SLIT3: variants seen among roughly 807,000 people sequenced by gnomAD.
SLIT3 encodes slit guidance ligand 3, also known as slit homolog 3 protein.
SLIT3 carries 68 observed loss-of-function variants against 184.0 expected under a neutral mutation model. The observed-to-expected ratio is 0.37, with a 90% CI of 0.30 to 0.45. The LOEUF (loss-of-function observed/expected upper bound fraction) is 0.45, where lower values mean the gene tolerates loss of function less well. SLIT3 is among the 20% of genes least tolerant of loss of function. The probability of loss-of-function intolerance (pLI) is 1.00; values close to 1 mark genes in which losing one functional copy is unlikely to be tolerated. For synonymous variants in SLIT3, 831 were observed against 828.6 expected (o/e 1.00, Z -0.05); for missense variants, 1,707 against 2,026.0 (o/e 0.84, Z 3.02).
chr5:168,726,797 A>T (rs76481635), intron 20 of SLIT3, among the ~76,000 whole-genome samples: 1 of 149,000 alleles, frequency 6.7e-6, no homozygotes, highest in Non-Finnish European at 1.5e-5. Context: ...ACATGGTGAA[A>T]CCCCCCTCCT....
In SLIT3 at chr5:169,300,752, G is replaced by T. The variant is rs1357483126; in HGVS notation, c.-43C>A. The stretch of plus-strand genomic sequence containing the variant: ...TCCTGGAGGAGGCTGCCTCTGCGGG[G>T]CAAGACGCGTGGAGCCCGAGGAGGC... On this transcript the variant is annotated 5_prime_UTR_variant, in exon 1 of 36. Transcript: ENST00000519560. The surrounding 1 kb of genome is among the most constrained non-coding windows in gnomAD (Gnocchi z 4.1). The T allele has an allele frequency of 5.2e-5, 66 of 1,280,086 alleles. No individual in the cohort carries two copies. Among genetic ancestry groups the T allele is most frequent in the Non-Finnish European group, 6.4e-5 (65 of 1,016,190 alleles). The allele number at this position is 1,280,086 out of a possible 1,614,324, so 79.3% of individuals were successfully genotyped here.
At chr5:169,033,266 T>C (rs1035616944) in intron 4 of SLIT3, among the ~76,000 whole-genome samples, 23 of 152,188 alleles carry the variant, frequency 1.5e-4, no homozygotes, top group Admixed American at 3.9e-4. Context: ...GGCTCGTCTA[T>C]GTTGTGGCAA....
At chr5:169,067,042 T>C (rs1189360309) in intron 4 of SLIT3, among the ~76,000 whole-genome samples, 1 of 152,110 alleles carries the variant, frequency 6.6e-6, no homozygotes, top group Non-Finnish European at 1.5e-5. Context: ...ATTATTCGCT[T>C]CCTGTTAGTC....
chr5:168,854,941 C>T (rs943787659), intron 5 of SLIT3, among the ~76,000 whole-genome samples: 2 of 152,336 alleles, frequency 1.3e-5, no homozygotes, highest in East Asian at 1.9e-4. Flanking sequence ...CTCAGCAGCA[C>T]GTGCTGTGCT....
chr5:169,026,872 TC>T (rs1346140481), intron 4 of SLIT3, among the ~76,000 whole-genome samples: 1 of 152,106 alleles, frequency 6.6e-6, no homozygotes, highest in Non-Finnish European at 1.5e-5. Context: ...GGACCAGGTC[TC>T]TACTGTACCA....
At chr5:169,072,895 G>A (rs1293114246) in intron 4 of SLIT3, among the ~76,000 whole-genome samples, 2 of 152,166 alleles carry the variant, frequency 1.3e-5, no homozygotes, top group African/African-American at 4.8e-5. Context: ...AGACCCAACT[G>A]TTGCTGTAAA....
chr5:168,984,132 A>G (rs1194513854), intron 4 of SLIT3, among the ~76,000 whole-genome samples: 1 of 152,208 alleles, frequency 6.6e-6, no homozygotes, highest in Non-Finnish European at 1.5e-5. Context: ...TACTTGCAAC[A>G]AACTAGAATA....
At chr5:169,229,702 T>C (rs1369742526) in intron 3 of SLIT3, among the ~76,000 whole-genome samples, 2 of 150,576 alleles carry the variant, frequency 1.3e-5, no homozygotes, top group Non-Finnish European at 3.0e-5. Context: ...GTGATGATGA[T>C]GAGGGAGAGG....
chr5:168,856,275 G>C (rs1278397428), intron 5 of SLIT3, among the ~76,000 whole-genome samples: 1 of 152,182 alleles, frequency 6.6e-6, no homozygotes, highest in African/African-American at 2.4e-5. Flanking sequence ...TGACAGGCAG[G>C]AACTTTATGA....
At chr5:169,252,084 T>A (rs937868119) in intron 1 of SLIT3, among the ~76,000 whole-genome samples, 4 of 152,238 alleles carry the variant, frequency 2.6e-5, no homozygotes, top group African/African-American at 9.6e-5. Flanking sequence ...CAGTTTGAGT[T>A]GAATTTTCTA....
chr5:168,885,212 G>A, intron 4 of SLIT3, among the ~76,000 whole-genome samples: 1 of 152,182 alleles, frequency 6.6e-6, no homozygotes, highest in South Asian at 2.1e-4. Context: ...GCTGACTTGG[G>A]GTAGAGTGCC....
chr5:168,884,662 C>T (rs981917531), intron 4 of SLIT3, among the ~76,000 whole-genome samples: 1 of 144,342 alleles, frequency 6.9e-6, no homozygotes, highest in Non-Finnish European at 1.5e-5. Flanking sequence ...AACATCTGTC[C>T]CTGTCATTAA....
intron 20 of SLIT3, among the ~76,000 whole-genome samples, chr5:168,733,157 CAG>C (rs2113403949): frequency 6.6e-6 from 1 of 151,318 alleles, no homozygotes; most frequent in East Asian, 1.9e-4. Context: ...TTCTCAAAAA[CAG>C]ACATACAATT....
At chr5:169,187,402 C>T (rs745337656) in intron 4 of SLIT3, among the ~76,000 whole-genome samples, 22 of 151,976 alleles carry the variant, frequency 1.4e-4, no homozygotes, top group Non-Finnish European at 2.8e-4. Context: ...TGAGCCACCG[C>T]GGCCGGCAGC....
At chr5:169,190,151 C>T (rs1371539510) in intron 4 of SLIT3, among the ~76,000 whole-genome samples, 1 of 152,134 alleles carries the variant, frequency 6.6e-6, no homozygotes, top group Non-Finnish European at 1.5e-5. Flanking sequence ...GGGACATGGG[C>T]ATATATGACC....
chr5:168,763,236 C>G (rs1755222029), intron 14 of SLIT3, among the ~76,000 whole-genome samples: 2 of 151,988 alleles, frequency 1.3e-5, no homozygotes, highest in Non-Finnish European at 2.9e-5. Context: ...CGAGTACAGG[C>G]CAAGTACATG....
intron 23 of SLIT3, among the ~76,000 whole-genome samples, chr5:168,716,301 C>T (rs1314965317): frequency 6.6e-6 from 1 of 152,036 alleles, no homozygotes; most frequent in African/African-American, 2.4e-5. Flanking sequence ...CCCTAGAGCC[C>T]GGTATCTTCC....
chr5:169,166,654 A>G (rs1762645573), intron 4 of SLIT3, among the ~76,000 whole-genome samples: 2 of 152,124 alleles, frequency 1.3e-5, no homozygotes, highest in South Asian at 2.1e-4. Flanking sequence ...TCCATCCCCA[A>G]TATCACCTTC....
chr5:168,718,055 T>C (rs1762802054), intron 23 of SLIT3: 1 of 152,094 alleles, frequency 6.6e-6, no homozygotes, highest in Admixed American at 6.5e-5. Flanking sequence ...TGTTTACTTA[T>C]TTTTATTTTA....
Sources: allele counts gnomAD v4.1 joint callset (sites outside exome capture counted in the v4.1 genomes callset), GRCh38; gene constraint gnomAD v4.1.1; non-coding constraint Gnocchi (gnomAD v3.1); transcripts MANE v1.5; gene names NCBI Gene and HGNC (gene_info 2026-07-23, HGNC 2026-07-21).